Variants in KLHL13 observed in about 807,000 individuals in gnomAD.
KLHL13 encodes the protein kelch-like protein 13.
A neutral mutation model predicts 37.1 loss-of-function variants in KLHL13; 10 were observed. The ratio of observed to expected loss-of-function variants is 0.27; its 90% confidence interval spans 0.17 to 0.46. The LOEUF (loss-of-function observed/expected upper bound fraction) is 0.46. KLHL13 is among the 20% of genes least tolerant of loss of function. The pLI is 1.00. For synonymous variants in KLHL13, 163 were observed against 181.2 expected (o/e 0.90, Z 0.81); for missense variants, 360 against 509.3 (o/e 0.71, Z 2.82).
upstream of KLHL13, among the ~76,000 whole-genome samples, chrX:117,977,306 T>C (rs976992013): frequency 8.9e-6 from 1 of 111,960 alleles, no homozygotes; most frequent in Non-Finnish European, 1.9e-5. Context: ...AGGAAGAAAA[T>C]ATAATTTAAG....
At chrX:117,931,126 A>G (rs1268315236) in intron 2 of KLHL13, among the ~76,000 whole-genome samples, 1 of 111,882 alleles carries the variant, frequency 8.9e-6, no homozygotes, top group Non-Finnish European at 1.9e-5. Flanking sequence ...TTAACATTCT[A>G]TTAGCTAGAG....
intron 1 of KLHL13, among the ~76,000 whole-genome samples, chrX:118,035,338 C>A (rs2054423919): frequency 9.4e-6 from 1 of 106,110 alleles, no homozygotes; most frequent in African/African-American, 3.8e-5. Context: ...ATGCAAAAAT[C>A]CTCAATAAAA....
chrX:117,972,263 GTC>G (rs1374689418), intron 1 of KLHL13, among the ~76,000 whole-genome samples: 1 of 111,420 alleles, frequency 9.0e-6, no homozygotes, highest in East Asian at 2.8e-4. Context: ...AAGTATAAAA[GTC>G]TCAATTAAAA....
chrX:118,052,829 GA>G (rs1207269107), intron 1 of KLHL13, among the ~76,000 whole-genome samples: 26 of 89,925 alleles, frequency 2.9e-4, no homozygotes, highest in South Asian at 1.0e-3. Context: ...GCCATCTCAA[GA>G]AAAAAAAAAA....
intron 1 of KLHL13, among the ~76,000 whole-genome samples, chrX:118,048,253 GCATTA>G (rs1353312588): frequency 9.0e-6 from 1 of 111,583 alleles, no homozygotes; most frequent in Non-Finnish European, 1.9e-5. Flanking sequence ...AATCTGAATA[GCATTA>G]CATTAGACAA....
chrX:118,008,665 G>T (rs778263665), intron 1 of KLHL13, among the ~76,000 whole-genome samples: 93 of 111,504 alleles, frequency 8.3e-4, no homozygotes, highest in South Asian at 6.1e-3. Flanking sequence ...GGTGATACAG[G>T]ACAGGCAAAA....
At chrX:118,035,032 A>C (rs1409963259) in intron 1 of KLHL13, among the ~76,000 whole-genome samples, 1 of 95,042 alleles carries the variant, frequency 1.1e-5, no homozygotes, top group Admixed American at 1.1e-4. Context: ...CTCTCCCAAG[A>C]CTAAACCAGG....
At chrX:118,085,796 GGTGTGTGTGTGTGTGTGTGTGTGTGTGT>G (rs4025518) in intron 1 of KLHL13, among the ~76,000 whole-genome samples, 1 of 85,602 alleles carries the variant, frequency 1.2e-5, no homozygotes, top group Admixed American at 1.4e-4. Flanking sequence ...AATATTCCAT[GGTGTGTGTGTGTGTGTGTGTGTGTGTGT>G]GTGTGTGTGT....
chrX:118,053,840 A>AGGGGGG (rs1387907618), intron 1 of KLHL13, among the ~76,000 whole-genome samples: 1 of 36,081 alleles, frequency 2.8e-5, no homozygotes. Context: ...AGAGAGAGAG[A>AGGGGGG]GAGAGAGAGG....
Position 117,909,438 on chromosome X carries a change from G to GT in KLHL13, c.1228dup (p.Thr410AsnfsTer6). ...GTATCGAGGATCAAATCTGAAGACT[G>GT]TATCAACTGCCGTTTTTCCTTTTGT... On this transcript the variant is annotated frameshift_variant, in exon 5 of 7. Transcript: ENST00000262820. LOFTEE classifies it high-confidence loss of function. 1 of 1,211,437 alleles carries GT rather than the reference G, an allele frequency of 8.3e-7. No individual in the cohort carries two copies. Among genetic ancestry groups the GT allele is most frequent in the Non-Finnish European group, 1.1e-6 (1 of 895,203 alleles).
chrX:117,978,437 T>C (rs147081037), upstream of KLHL13, among the ~76,000 whole-genome samples: 165 of 111,314 alleles, frequency 1.5e-3, 2 homozygotes, highest in African/African-American at 5.2e-3. Context: ...CACTAGGTAA[T>C]GGATCCAAAG....
intron 1 of KLHL13, among the ~76,000 whole-genome samples, chrX:118,094,987 G>A (rs998469734): frequency 7.2e-5 from 8 of 111,113 alleles, no homozygotes; most frequent in Non-Finnish European, 1.3e-4. Flanking sequence ...ATCTACTAAC[G>A]AGCAAAATAA....
chrX:117,944,685 T>C (rs1223080313), intron 2 of KLHL13, among the ~76,000 whole-genome samples: 1 of 111,474 alleles, frequency 9.0e-6, no homozygotes, highest in African/African-American at 3.3e-5. Context: ...AATTTAACTA[T>C]CTTTAGAAGA....
intron 1 of KLHL13, among the ~76,000 whole-genome samples, chrX:117,957,099 C>T (rs966312268): frequency 9.0e-6 from 1 of 111,618 alleles, no homozygotes; most frequent in African/African-American, 3.3e-5. Context: ...TTCCCCATTT[C>T]CCATGTCCAA....
At position 117,984,909 on chromosome X, in the gene KLHL13, T is replaced by C. The variant is rs188837474; in HGVS notation, c.-55-39334A>G. 4.1e-4 allele frequency among the ~76,000 whole-genome samples: 45 copies of C among 110,820 alleles called. 1 individual carries two copies. Among genetic ancestry groups the C allele is most frequent in the Admixed American group, 3.9e-4 (4 of 10,231 alleles). Reference sequence around the variant, plus strand: ...ACCTTCTGGCAACTGAGTGAAATTATGTATTTCTACATAAGTCACTATTCT... The same window carrying C: ...ACCTTCTGGCAACTGAGTGAAATTACGTATTTCTACATAAGTCACTATTCT... On this transcript the variant is annotated intron_variant, in intron 1 of 6. Transcript: ENST00000371882.
intron 2 of KLHL13, among the ~76,000 whole-genome samples, chrX:117,920,607 G>A (rs1931638976): frequency 8.9e-6 from 1 of 111,797 alleles, no homozygotes; most frequent in African/African-American, 3.2e-5. Context: ...AACGATTAAG[G>A]AAAAAGTATA....
intron 1 of KLHL13, among the ~76,000 whole-genome samples, chrX:118,090,104 G>A (rs915259024): frequency 2.9e-5 from 3 of 103,537 alleles, no homozygotes; most frequent in African/African-American, 1.1e-4. Flanking sequence ...AAAAAAACTG[G>A]ATCCCTTCCT....
At chrX:117,959,008 T>C (rs17243406) in intron 1 of KLHL13, among the ~76,000 whole-genome samples, 4,173 of 111,799 alleles carry the variant, frequency 0.037, 85 homozygotes, top group Non-Finnish European at 0.059. Context: ...ATATTCACTA[T>C]TCAAAAACAT....
intron 1 of KLHL13, among the ~76,000 whole-genome samples, chrX:118,018,609 T>A (rs752722062): frequency 4.5e-5 from 5 of 111,740 alleles, no homozygotes; most frequent in South Asian, 3.7e-4. Context: ...AAATAATGTA[T>A]CTCTTCTTAG....
Sources: allele counts gnomAD v4.1 joint callset (sites outside exome capture counted in the v4.1 genomes callset), GRCh38; gene constraint gnomAD v4.1.1; transcripts MANE v1.5; gene names NCBI Gene and HGNC (gene_info 2026-07-23, HGNC 2026-07-21).